Variants in VWA8 observed in about 807,000 individuals in gnomAD.
VWA8 encodes the protein von Willebrand factor A domain-containing protein 8.
Under a neutral mutation model 241.5 loss-of-function variants are expected in VWA8, and 221 were observed. The observed-to-expected ratio is 0.91, with a 90% confidence interval of 0.82 to 1.02. The LOEUF (loss-of-function observed/expected upper bound fraction) is 1.02. Among genes scored for constraint, VWA8 ranks in the 50% least tolerant of loss-of-function variants. VWA8 has a pLI of 0.00. For missense variants in VWA8, 2,322 were observed against 2,328.7 expected, an observed-to-expected ratio of 1.00 and a Z score of 0.06; for synonymous variants, 852 against 827.1, an observed-to-expected ratio of 1.03 and a Z score of -0.52.
chr13:41,595,083 C>T (rs1394862287), intron 40 of VWA8, among the ~76,000 whole-genome samples: 1 of 152,152 alleles, frequency 6.6e-6, no homozygotes, highest in Non-Finnish European at 1.5e-5. Flanking sequence ...GACTATTAGG[C>T]CCTGTCAAAA....
At chr13:41,739,857 G>GTTTTT (rs368778376) in intron 21 of VWA8, among the ~76,000 whole-genome samples, 1 of 64,500 alleles carries the variant, frequency 1.6e-5, no homozygotes, top group Non-Finnish European at 3.1e-5. Context: ...TGTTTTTTTT[G>GTTTTT]TTTTTTTTTT....
intron 17 of VWA8, among the ~76,000 whole-genome samples, chr13:41,790,239 C>T (rs142691202): frequency 1.7e-4 from 26 of 152,190 alleles, no homozygotes; most frequent in African/African-American, 5.3e-4. Context: ...GCAAGCAAAA[C>T]GATTCTTCCA....
chr13:41,787,334 A>G, intron 18 of VWA8, 103 bp downstream of exon 18: 1 of 953,740 alleles, frequency 1.0e-6, no homozygotes, highest in South Asian at 1.6e-5. Context: ...ATGAAAACCA[A>G]AAACTGTTTA....
At chr13:41,720,346 T>G (rs190204132) in intron 25 of VWA8, among the ~76,000 whole-genome samples, 229 of 152,256 alleles carry the variant, frequency 1.5e-3, no homozygotes, top group African/African-American at 5.3e-3. Flanking sequence ...CTGGCTGAAT[T>G]GGACTTACGG....
chr13:41,875,163 G>A (rs1043569345), intron 9 of VWA8, among the ~76,000 whole-genome samples: 3 of 152,082 alleles, frequency 2.0e-5, no homozygotes, highest in Non-Finnish European at 4.4e-5. Flanking sequence ...TGTTCCCACT[G>A]TTTCAGTAGA....
intron 2 of VWA8, among the ~76,000 whole-genome samples, chr13:41,934,025 A>C: frequency 6.6e-6 from 1 of 151,814 alleles, no homozygotes. Flanking sequence ...TTAGGAGAAT[A>C]AAAAGATAAG....
At chr13:41,863,822 G>A (rs1873158399) in intron 12 of VWA8, among the ~76,000 whole-genome samples, 1 of 152,048 alleles carries the variant, frequency 6.6e-6, no homozygotes, top group Non-Finnish European at 1.5e-5. Context: ...CTTGAGAGGG[G>A]GCTGTGGGTT....
intron 2 of VWA8, among the ~76,000 whole-genome samples, chr13:41,924,350 C>T (rs1876721827): frequency 7.1e-6 from 1 of 141,520 alleles, no homozygotes; most frequent in Non-Finnish European, 1.5e-5. Flanking sequence ...TCTGAAATTA[C>T]CCAGTCAAAA....
At chr13:41,844,349 A>G (rs1296164478) in intron 12 of VWA8, among the ~76,000 whole-genome samples, 2 of 152,174 alleles carry the variant, frequency 1.3e-5, no homozygotes, top group East Asian at 1.9e-4. Flanking sequence ...AAATAATATA[A>G]TAAGAGCCAG....
At chr13:41,731,936 A>T in intron 22 of VWA8, 144 bp downstream of exon 22, 1 of 640,912 alleles carries the variant, frequency 1.6e-6, no homozygotes, top group Non-Finnish European at 2.5e-6. Context: ...TTTCTTTATA[A>T]ATTACCCCGT....
At chr13:41,610,630 G>A (rs1027994457) in intron 39 of VWA8, among the ~76,000 whole-genome samples, 1 of 152,206 alleles carries the variant, frequency 6.6e-6, no homozygotes, top group South Asian at 2.1e-4. Context: ...GATGTTCTAC[G>A]TGGGAGGAAT....
At chr13:41,633,603 G>A (rs546433416) in intron 37 of VWA8, among the ~76,000 whole-genome samples, 1 of 152,256 alleles carries the variant, frequency 6.6e-6, no homozygotes, top group East Asian at 1.9e-4. Flanking sequence ...GGTTGTGAAG[G>A]CTCTTACGAT....
chr13:41,927,541 C>CAA (rs1034012137), intron 2 of VWA8, among the ~76,000 whole-genome samples: 26 of 137,544 alleles, frequency 1.9e-4, no homozygotes, highest in Admixed American at 2.9e-4. Context: ...TGTCTCCTCT[C>CAA]AAAAAAAAAA....
chr13:41,748,055 TTC>T (rs1394562774), intron 21 of VWA8, among the ~76,000 whole-genome samples: 36 of 152,220 alleles, frequency 2.4e-4, no homozygotes, highest in Non-Finnish European at 4.4e-4. Context: ...TGGTCTAAAA[TTC>T]TCTGTTTTTG....
At chr13:41,596,486 A>G (rs1019456926) in intron 40 of VWA8, among the ~76,000 whole-genome samples, 2 of 152,088 alleles carry the variant, frequency 1.3e-5, no homozygotes, top group Non-Finnish European at 2.9e-5. Context: ...GCATTTAAAT[A>G]TATGCTTTTG....
At chr13:41,681,745 T>C (rs1353784680) in intron 35 of VWA8, among the ~76,000 whole-genome samples, 1 of 152,058 alleles carries the variant, frequency 6.6e-6, no homozygotes, top group African/African-American at 2.4e-5. Context: ...ACTCTTCCCG[T>C]CCCCAAATAG....
rs373469575 is a variant in VWA8 at position 41,940,892 on chromosome 13, G to A, written c.241+9044C>T. On this transcript the variant is annotated intron_variant, in intron 2 of 44. Transcript: ENST00000379310. ...AATACTTATATTGTGATTATGGTAG[G>A]AATAATGATGAATGAATAGCAAGAA... 1.7e-3 allele frequency among the ~76,000 whole-genome samples: 260 copies of A among 152,248 alleles called. 2 individuals carry two copies. Among genetic ancestry groups the A allele is most frequent in the African/African-American group, 5.7e-3 (238 of 41,554 alleles).
chr13:41,815,560 G>A (rs1258457758), intron 16 of VWA8, among the ~76,000 whole-genome samples: 1 of 152,176 alleles, frequency 6.6e-6, no homozygotes, highest in African/African-American at 2.4e-5. Context: ...CACTAGTCAA[G>A]GAATGCTGGC....
chr13:41,745,532 C>G (rs2045598984), intron 21 of VWA8, among the ~76,000 whole-genome samples: 1 of 152,112 alleles, frequency 6.6e-6, no homozygotes, highest in Admixed American at 6.5e-5. Flanking sequence ...ACAACCCTAT[C>G]AAAAAGTGGG....
Sources: gnomAD v4.1 joint callset for allele counts (sites outside exome capture counted in the v4.1 genomes callset) on GRCh38, gnomAD v4.1.1 for gene constraint, MANE v1.5 for transcripts, NCBI Gene and HGNC (gene_info 2026-07-23, HGNC 2026-07-21) for gene names.